LCK: variants seen among roughly 807,000 people sequenced by gnomAD.
LCK encodes LCK proto-oncogene, Src family tyrosine kinase, also known as tyrosine-protein kinase Lck.
In LCK, 14 loss-of-function variants were observed where a neutral mutation model predicts 64.6. The ratio of observed to expected loss-of-function variants is 0.22; its 90% CI spans 0.14 to 0.34. The LOEUF (loss-of-function observed/expected upper bound fraction) is 0.34. Among genes scored for constraint, LCK ranks in the 10% least tolerant of loss-of-function variants. The probability of loss-of-function intolerance (pLI) is 1.00; values close to 1 mark genes in which losing one functional copy is unlikely to be tolerated. For synonymous variants in LCK, 277 were observed against 263.6 expected (o/e 1.05, Z -0.49); for missense variants, 434 against 668.1 (o/e 0.65, Z 3.86).
chr1:32,283,179 C>G (rs1640511141), intron 12 of LCK, among the ~76,000 whole-genome samples: 1 of 151,200 alleles, frequency 6.6e-6, no homozygotes, highest in East Asian at 1.9e-4. Flanking sequence ...GTCCCAGCTA[C>G]TCGGGAAGCT....
In LCK at chr1:32,276,074, C is replaced by T. The variant is rs1211835042; in HGVS notation, c.631+11C>T. The T allele has an allele frequency of 6.2e-7, 1 of 1,613,648 alleles. No individual in the cohort carries two copies. The highest frequency in any genetic ancestry group is 1.1e-5 in the South Asian group (1 of 91,048). On this transcript the variant is annotated intron_variant, in intron 7 of 12. Coordinates refer to ENST00000336890, the MANE Select transcript of LCK (RefSeq NM_005356.5). This position sits in a 1 kb window ranked among gnomAD's most constrained non-coding sequence, Gnocchi z 4.6. ...TCCGCCATTACACCAGTGAGCCCGA[C>T]GGGACCCCTCCCCCGTGCCCTATCA...
At chr1:32,270,495 A>G (rs1640049290) in intron 1 of LCK, among the ~76,000 whole-genome samples, 1 of 151,380 alleles carries the variant, frequency 6.6e-6, no homozygotes, top group South Asian at 2.1e-4. Context: ...CCCGGGTTCA[A>G]GTGATTCTCC....
chr1:32,285,074 G>A (rs979984618), intron 12 of LCK, among the ~76,000 whole-genome samples: 10 of 151,904 alleles, frequency 6.6e-5, no homozygotes, highest in African/African-American at 9.7e-5. Context: ...AGGCTGAGGC[G>A]GGCGGATCAC....
chr1:32,267,843 G>A (rs750548186), intron 1 of LCK, among the ~76,000 whole-genome samples: 21 of 150,080 alleles, frequency 1.4e-4, no homozygotes, highest in Non-Finnish European at 2.8e-4. Flanking sequence ...GCAGTGAGCC[G>A]AGATCACACC....
At chr1:32,282,212 C>T (rs1640482768) in intron 12 of LCK, among the ~76,000 whole-genome samples, 2 of 152,188 alleles carry the variant, frequency 1.3e-5, no homozygotes, top group African/African-American at 4.8e-5. Flanking sequence ...TGCCAGGGGT[C>T]CTCACTGCTC....
rs1021938837 is a variant in LCK, at chr1:32,251,496, C to A, written c.-6+125C>A. 1 of 152,582 alleles carries A rather than the reference C, an allele frequency of 6.6e-6. No individual in the cohort carries two copies. Among genetic ancestry groups the A allele is most frequent in the East Asian group, 1.9e-4 (1 of 5,206 alleles). 9.5% of individuals were successfully genotyped at this position (152,582 alleles called of 1,614,324 possible). A position where few individuals can be genotyped will look rare whatever the true frequency, so the allele number is the denominator to read the frequency against. ...CCCTTTGTGGCTGGGGAGAGAAGATCCTCGCTCAAGGTCAGGTGGGAGGCA... is the reference window on the plus strand; with the variant it reads ...CCCTTTGTGGCTGGGGAGAGAAGATACTCGCTCAAGGTCAGGTGGGAGGCA... On this transcript the variant is annotated intron_variant, in intron 1 of 12. Coordinates refer to ENST00000336890, the MANE Select transcript of LCK (RefSeq NM_005356.5). The surrounding 1 kb of genome is among the most constrained non-coding windows in gnomAD (Gnocchi z 4.0).
rs191975387 is a variant in LCK at position 32,254,756 on chromosome 1, C to T, written c.-6+3385C>T. ...TGAACTCCCGATCTCAGGTGATCCGCCTGCCTCAGCCTCCCAAAGTGCTGG... is the reference window on the plus strand; with the variant it reads ...TGAACTCCCGATCTCAGGTGATCCGTCTGCCTCAGCCTCCCAAAGTGCTGG... On this transcript the variant is annotated intron_variant, in intron 1 of 12. Coordinates refer to ENST00000336890, the MANE Select transcript of LCK (RefSeq NM_005356.5). Among the ~76,000 whole-genome samples, 513 of 152,080 alleles carry T rather than the reference C, an allele frequency of 3.4e-3. 4 individuals carry two copies. The highest frequency in any genetic ancestry group is 0.012 in the African/African-American group (487 of 41,518).
intron 1 of LCK, among the ~76,000 whole-genome samples, chr1:32,272,938 TG>T (rs1207702799): frequency 8.0e-6 from 1 of 125,134 alleles, no homozygotes; most frequent in Non-Finnish European, 1.6e-5. Flanking sequence ...GAATGTGTGT[TG>T]GGGAGGGGAG....
Position 32,275,297 on chromosome 1 carries a change from C to T in LCK, c.279-24C>T. On this transcript the variant is annotated intron_variant, in intron 4 of 12. Coordinates refer to ENST00000336890, the MANE Select transcript of LCK (RefSeq NM_005356.5). This position sits in a 1 kb window ranked among gnomAD's most constrained non-coding sequence, Gnocchi z 6.9. ...CTCAGGTCGACGGCTGAGCGAGCCA[C>T]ACTGACCCACCTCCGTGGCGCAGGA... 2 of 1,612,350 alleles carry T rather than the reference C, an allele frequency of 1.2e-6. No homozygotes were observed. Among genetic ancestry groups the T allele is most frequent in the Non-Finnish European group, 1.7e-6 (2 of 1,178,386 alleles).
chr1:32,274,800 C>T lies in LCK; in HGVS notation c.169C>T (p.Pro57Ser). The T allele has an allele frequency of 6.2e-7, 1 of 1,613,738 alleles. No homozygotes were observed. Among genetic ancestry groups the T allele is most frequent in the Non-Finnish European group, 8.5e-7 (1 of 1,179,810 alleles). The change falls in exon 3 of 13, where the codon CCG (proline) becomes TCG (serine). Residue 57 changes from proline to serine, a missense_variant. By Grantham distance (74) the Pro-to-Ser change is moderately conservative. Around this residue, in one of 2 missense-constraint regions of LCK, gnomAD observed 233 missense variants for 291.2 expected, o/e 0.80. Transcript: ENST00000336890. ...PLVTYEGSNP[P>S]ASPLQDNLVI... is the part of the protein sequence containing the mutation. ...GGTTACCTACGAAGGCTCCAATCCGCCGGCTTCCCCACTGCAAGGTGACCC... is the reference window on the plus strand; with the variant it reads ...GGTTACCTACGAAGGCTCCAATCCGTCGGCTTCCCCACTGCAAGGTGACCC...
At chr1:32,254,321 C>T (rs941197129) in intron 1 of LCK, among the ~76,000 whole-genome samples, 3 of 152,056 alleles carry the variant, frequency 2.0e-5, no homozygotes, top group East Asian at 3.9e-4. Flanking sequence ...GAGTTCGAAA[C>T]CAGCCTGGCC....
intron 12 of LCK, 67 bp from the exon 13 acceptor site, chr1:32,285,447 G>A (rs941560476): frequency 3.5e-5 from 50 of 1,418,076 alleles, no homozygotes; most frequent in Non-Finnish European, 4.6e-5. Context: ...TAAATATTCC[G>A]AACATTACCC....
chr1:32,279,780 G>A (rs757110989), intron 10 of LCK, 33 bp downstream of exon 10: 2 of 1,610,838 alleles, frequency 1.2e-6, no homozygotes, highest in Middle Eastern at 1.7e-4. Flanking sequence ...CTGGGCAAGG[G>A]AACAGACCAG....
Position 32,275,994 on chromosome 1 carries a change from A to G in LCK, c.562A>G (p.Asn188Asp), listed in dbSNP as rs752657839. Residue 188 changes from asparagine (N) to aspartate (D), a missense_variant, in exon 7 of 13, where the codon AAC (asparagine) becomes GAC (aspartate). Physicochemically the swap from Asn to Asp is conservative, Grantham distance 23 (BLOSUM62 1). This residue lies in a region of LCK where 233 missense variants were observed against 291.2 expected (regional missense o/e 0.80). Transcript: ENST00000336890. The surrounding 1 kb of genome is among the most constrained non-coding windows in gnomAD (Gnocchi z 6.9). ...ACATTACAAGATCCGTAATCTGGAC[A>G]ACGGTGGCTTCTACATCTCCCCTCG... ...VKHYKIRNLD[N>D]GGFYISPRIT... 1 of 1,614,140 alleles carries G rather than the reference A, an allele frequency of 6.2e-7. No individual in the cohort carries two copies. Among genetic ancestry groups the G allele is most frequent in the Non-Finnish European group, 8.5e-7 (1 of 1,180,000 alleles).
rs141681873 is a variant in LCK, at chr1:32,264,041, A to G, written c.-5-10284A>G. On this transcript the variant is annotated intron_variant, in intron 1 of 12. Transcript: ENST00000336890. ...CTGCTATTCATAGTCTCATTCTGTTATATATCCCTCTGCACACACAGACTC... is the reference window on the plus strand; with the variant it reads ...CTGCTATTCATAGTCTCATTCTGTTGTATATCCCTCTGCACACACAGACTC... Among the ~76,000 whole-genome samples the G allele has an allele frequency of 4.9e-4, 74 of 152,294 alleles. 1 individual carries two copies. In the South Asian group the frequency reaches 0.015, roughly 31 times the overall value.
chr1:32,261,539 G>T (rs928018833), intron 1 of LCK, among the ~76,000 whole-genome samples: 1 of 150,056 alleles, frequency 6.7e-6, no homozygotes, highest in Non-Finnish European at 1.5e-5. Context: ...CCAGCTACTT[G>T]GGAGGCTGAG....
chr1:32,252,041 T>C (rs1202539722), intron 1 of LCK, among the ~76,000 whole-genome samples: 1 of 151,864 alleles, frequency 6.6e-6, no homozygotes, highest in Non-Finnish European at 1.5e-5. Context: ...TGTGTGGGGG[T>C]GTCCATCATC....
intron 12 of LCK, 114 bp from the exon 13 acceptor site, chr1:32,285,400 C>A (rs1640585114): frequency 1.1e-6 from 1 of 943,178 alleles, no homozygotes; most frequent in Non-Finnish European, 1.7e-6. Context: ...TGATGAAGAC[C>A]AAGATTCTTT....
chr1:32,272,358 G>T (rs945089206), intron 1 of LCK, among the ~76,000 whole-genome samples: 1 of 152,142 alleles, frequency 6.6e-6, no homozygotes, highest in South Asian at 2.1e-4. Flanking sequence ...GGAGGCCAAG[G>T]CAGGAGGATT....
Sources: allele counts gnomAD v4.1 joint callset (sites outside exome capture counted in the v4.1 genomes callset), GRCh38; gene constraint gnomAD v4.1.1; regional missense constraint gnomAD v4.1.1; non-coding constraint Gnocchi (gnomAD v3.1); transcripts MANE v1.5; gene names NCBI Gene and HGNC (gene_info 2026-07-23, HGNC 2026-07-21).